Variants in ZFYVE21 observed in about 807,000 individuals in gnomAD.
ZFYVE21 encodes the protein zinc finger FYVE-type containing 21.
In ZFYVE21, 21 loss-of-function variants were observed where a neutral mutation model predicts 29.5. The ratio of observed to expected loss-of-function variants is 0.71; its 90% CI spans 0.50 to 1.02. The LOEUF (loss-of-function observed/expected upper bound fraction) is 1.02, where lower values mean the gene tolerates loss of function less well. Among genes scored for constraint, ZFYVE21 ranks in the 50% least tolerant of loss-of-function variants. The pLI is 0.00. For missense variants in ZFYVE21, 326 were observed against 335.4 expected (o/e 0.97, Z 0.22); for synonymous variants, 151 against 133.8 (o/e 1.13, Z -0.89).
intron 1 of ZFYVE21, among the ~76,000 whole-genome samples, chr14:103,724,119 C>T (rs1406790148): frequency 2.6e-5 from 4 of 152,222 alleles, no homozygotes; most frequent in African/African-American, 9.6e-5. Context: ...GCTGGGCCCC[C>T]AGACCACAGG....
intron 3 of ZFYVE21, chr14:103,728,131 C>A (rs1351348176): frequency 7.9e-6 from 4 of 503,812 alleles, no homozygotes; most frequent in Non-Finnish European, 1.4e-5. Flanking sequence ...GTGCTGACTC[C>A]GCTGGGCACG....
intron 1 of ZFYVE21, among the ~76,000 whole-genome samples, chr14:103,723,068 T>A (rs2083887614): frequency 6.6e-6 from 1 of 152,200 alleles, no homozygotes; most frequent in Admixed American, 6.5e-5. Context: ...CCCTCTCCCC[T>A]CCTGTCGGGC....
Position 103,728,895 on chromosome 14 carries a change from T to C in ZFYVE21, c.359-13T>C. The C allele has an allele frequency of 6.2e-7, 1 of 1,614,050 alleles. No individual in the cohort carries two copies. The highest frequency in any genetic ancestry group is 8.5e-7 in the Non-Finnish European group (1 of 1,179,984). On this transcript the variant is annotated splice_polypyrimidine_tract_variant and intron_variant, in intron 3 of 6. Coordinates refer to ENST00000311141, the MANE Select transcript of ZFYVE21 (RefSeq NM_024071.4). ...GCAGGCCCTGTTCTCACGTTTGCTT[T>C]TGTGTTCCCAAGGAGCCACCTTCCT...
At position 103,729,846 on chromosome 14, in the gene ZFYVE21, G is replaced by A; in HGVS notation, c.526+664G>A. 4 of 1,536,156 alleles carry A rather than the reference G, an allele frequency of 2.6e-6. No individual in the cohort carries two copies. The African/African-American group carries it at 4.1e-5, about 16-fold the overall frequency. On this transcript the variant is annotated intron_variant, in intron 5 of 6. Transcript: ENST00000311141. ...CCGGGGGAGCCAGCCTGCCTCTGAA[G>A]GTCAGCCTCTTCCTCCTCACCGGGG...
rs1266961902 is a variant in ZFYVE21 at position 103,732,720 on chromosome 14, GGGCAGGAGGCAGGCGGTGGCGT to G, written c.631_652del (p.Arg211Ter). The G allele has an allele frequency of 5.0e-6, 8 of 1,613,618 alleles. No homozygotes were observed. The highest frequency in any genetic ancestry group is 6.8e-6 in the Non-Finnish European group (8 of 1,179,824). The stretch of plus-strand genomic sequence containing the variant: ...TGACAGTGGTGGAGGACGTGACTGT[GGGCAGGAGGCAGGCGGTGGCGT>G]GGCTAGTGGCCATGCACAAGGTACC... On this transcript the variant is annotated frameshift_variant, in exon 6 of 7. Coordinates refer to ENST00000311141, the MANE Select transcript of ZFYVE21 (RefSeq NM_024071.4). LOFTEE classifies it high-confidence loss of function.
intron 2 of ZFYVE21, chr14:103,727,396 G>A (rs1392930160): frequency 1.8e-5 from 2 of 112,472 alleles, no homozygotes; most frequent in South Asian, 2.3e-4. Flanking sequence ...CCCCGTCCCC[G>A]TGCCGCTTTG....
chr14:103,720,250 C>G (rs776105978), intron 1 of ZFYVE21, among the ~76,000 whole-genome samples: 1 of 152,244 alleles, frequency 6.6e-6, no homozygotes, highest in African/African-American at 2.4e-5. Context: ...TTGGTTCTCT[C>G]ATTAACTAAT....
In ZFYVE21 at chr14:103,716,898, C is replaced by T. The variant is rs1196414994; in HGVS notation, c.138+919C>T. The stretch of plus-strand genomic sequence containing the variant: ...AGTTTCTGTTCTGTGGATTTTACCA[C>T]GATAAAAAAAAAATTGGGGGAGAAA... On this transcript the variant is annotated intron_variant, in intron 1 of 6. Coordinates refer to ENST00000311141, the MANE Select transcript of ZFYVE21 (RefSeq NM_024071.4). This position sits in a 1 kb window ranked among gnomAD's most constrained non-coding sequence, Gnocchi z 4.8. 6.6e-6 allele frequency among the ~76,000 whole-genome samples: 1 copy of T among 151,362 alleles called. No homozygotes were observed. Among genetic ancestry groups the T allele is most frequent in the Non-Finnish European group, 1.5e-5 (1 of 67,888 alleles).
At chr14:103,726,886 G>C (rs1483956995) in intron 2 of ZFYVE21, 44 bp downstream of exon 2, 1 of 1,608,086 alleles carries the variant, frequency 6.2e-7, no homozygotes, top group South Asian at 1.1e-5. Context: ...AGAGGGGAGG[G>C]GCCCCAACAG....
chr14:103,732,419 C>T, intron 5 of ZFYVE21: 3 of 524,756 alleles, frequency 5.7e-6, no homozygotes, highest in Non-Finnish European at 9.1e-6. Context: ...CCCTCTCCCA[C>T]CCCACCTGTG....
rs982800270 is a variant in ZFYVE21, at chr14:103,716,396, C to G, written c.138+417C>G. Among the ~76,000 whole-genome samples the G allele has an allele frequency of 1.3e-5, 2 of 152,050 alleles. No homozygotes were observed. The highest frequency in any genetic ancestry group is 1.3e-4 in the Admixed American group (2 of 15,274). On this transcript the variant is annotated intron_variant, in intron 1 of 6. Coordinates refer to ENST00000311141, the MANE Select transcript of ZFYVE21 (RefSeq NM_024071.4). The surrounding 1 kb of genome is among the most constrained non-coding windows in gnomAD (Gnocchi z 4.8). The stretch of plus-strand genomic sequence containing the variant: ...AGGCGGAGCGCCTTCCTCGCAGGCT[C>G]GGTGGGGAGGGCGCGTGCTGTCCGC...
Position 103,727,813 on chromosome 14 carries a change from G to T in ZFYVE21, c.257G>T (p.Arg86Leu). Residue 86 changes from arginine to leucine, a missense_variant, in exon 3 of 7, where the codon CGC (arginine) becomes CTC (leucine). By Grantham distance (102) the Arg-to-Leu change is moderately radical (BLOSUM62 -2). Transcript: ENST00000311141. ...RCCSQKVPLR[R>L]MCFVDPVRQC... ...TGCAGCCAGAAGGTGCCGCTGCGGC[G>T]CATGTGCTTTGTGGACCCCGTGCGG... 1.2e-6 allele frequency: 2 copies of T among 1,612,960 alleles called. No individual in the cohort carries two copies. Among genetic ancestry groups the T allele is most frequent in the Non-Finnish European group, 8.5e-7 (1 of 1,179,906 alleles).
At position 103,715,979 on chromosome 14, in the gene ZFYVE21, G is replaced by A; in HGVS notation, c.138G>A (p.Glu46=). The change falls in exon 1 of 7, where the codon GAG becomes GAA. Residue 46 remains glutamate (E), a splice_region_variant and synonymous_variant. Coordinates refer to ENST00000311141, the MANE Select transcript of ZFYVE21 (RefSeq NM_024071.4). ...LEEPQWVPDK[E]CRRCMQCDAK... Reference sequence around the variant, plus strand: ...AGCCGCAGTGGGTCCCGGACAAGGAGGTGGGTGGCCGTCGCCCCGGCCAGC... The same window carrying A: ...AGCCGCAGTGGGTCCCGGACAAGGAAGTGGGTGGCCGTCGCCCCGGCCAGC... 7.7e-7 allele frequency: 1 copy of A among 1,302,348 alleles called. No homozygotes were observed. The highest frequency in any genetic ancestry group is 9.9e-7 in the Non-Finnish European group (1 of 1,012,836). 80.7% of individuals were successfully genotyped at this position (1,302,348 alleles called of 1,614,324 possible).
intron 1 of ZFYVE21, among the ~76,000 whole-genome samples, chr14:103,722,812 C>CA (rs748652620): frequency 0.011 from 1,564 of 138,750 alleles, 12 homozygotes; most frequent in African/African-American, 0.023. Flanking sequence ...GACTCCGTCT[C>CA]AAAAAAAAAA....
Position 103,729,154 on chromosome 14 carries a change from G to C in ZFYVE21, c.498G>C (p.Gln166His), listed in dbSNP as rs1316849821. Residue 166 changes from glutamine (Q) to histidine (H), a missense_variant, in exon 5 of 7, where the codon CAG becomes CAC. Transcript: ENST00000311141. Reference protein sequence around the residue: ...EIEIVHISTVQILTEGFPPGG... With the variant: ...EIEIVHISTVHILTEGFPPGG... Reference sequence around the variant, plus strand: ...AAATTGTACACATTTCCACCGTGCAGATCCTCACAGAAGGCTTCCCTCCTG... The same window carrying C: ...AAATTGTACACATTTCCACCGTGCACATCCTCACAGAAGGCTTCCCTCCTG... The C allele has an allele frequency of 6.2e-7, 1 of 1,614,108 alleles. No homozygotes were observed. Among genetic ancestry groups the C allele is most frequent in the East Asian group, 2.2e-5 (1 of 44,870 alleles).
intron 1 of ZFYVE21, chr14:103,726,010 A>G (rs562741555): frequency 1.3e-5 from 2 of 152,420 alleles, no homozygotes; most frequent in African/African-American, 4.8e-5. Context: ...TTCTGTGTGC[A>G]TAGAACACTC....
intron 2 of ZFYVE21, 110 bp downstream of exon 2, chr14:103,726,952 T>TTTTTTTG: frequency 3.3e-6 from 4 of 1,214,988 alleles, no homozygotes; most frequent in Non-Finnish European, 3.4e-6. Context: ...TGGCTCGTTT[T>TTTTTTTG]TTTTTTTTTT....
chr14:103,732,655 T>G lies in ZFYVE21; in HGVS notation c.562T>G (p.Tyr188Asp). Residue 188 changes from tyrosine to aspartate, a missense_variant, in exon 6 of 7, where the codon TAT becomes GAT. Physicochemically the swap from Tyr to Asp is radical, Grantham distance 160. Transcript: ENST00000311141. ...ACGGGCCACAGGCATGTTCCTGCAG[T>G]ATACAGTGCCGGGGACGGAGGGTGT... ...NARATGMFLQ[Y>D]TVPGTEGVTQ... 1 of 1,609,028 alleles carries G rather than the reference T, an allele frequency of 6.2e-7. No homozygotes were observed.
rs139120619 is a variant in ZFYVE21, at chr14:103,732,669, G to A, written c.576G>A (p.Gly192=). 6.2e-7 allele frequency: 1 copy of A among 1,612,270 alleles called. No homozygotes were observed. Among genetic ancestry groups the A allele is most frequent in the African/African-American group, 1.3e-5 (1 of 74,900 alleles). The stretch of plus-strand genomic sequence containing the variant: ...TGTTCCTGCAGTATACAGTGCCGGG[G>A]ACGGAGGGTGTGACCCAGCTGAAGC... ...TGMFLQYTVP[G]TEGVTQLKLT... is the part of the protein sequence containing the mutation. Residue 192 remains glycine, a synonymous_variant, in exon 6 of 7, where the codon GGG becomes GGA. Coordinates refer to ENST00000311141, the MANE Select transcript of ZFYVE21 (RefSeq NM_024071.4).
Sources: allele counts gnomAD v4.1 joint callset (sites outside exome capture counted in the v4.1 genomes callset), GRCh38; gene constraint gnomAD v4.1.1; non-coding constraint Gnocchi (gnomAD v3.1); transcripts MANE v1.5; gene names NCBI Gene and HGNC (gene_info 2026-07-23, HGNC 2026-07-21).